SNX9: variants seen among roughly 807,000 people sequenced by gnomAD.
SNX9 encodes the protein sorting nexin-9.
SNX9 carries 44 observed loss-of-function variants against 89.4 expected under a neutral mutation model. The ratio of observed to expected loss-of-function variants is 0.49; its 90% CI spans 0.39 to 0.63. The LOEUF is 0.63. Among genes scored for constraint, SNX9 ranks in the 30% least tolerant of loss-of-function variants. The pLI is 0.00. For missense variants in SNX9, 578 were observed against 736.1 expected (o/e 0.79, Z 2.49); for synonymous variants, 236 against 247.8 (o/e 0.95, Z 0.45).
At chr6:157,863,460 C>G (rs1287720852) in intron 1 of SNX9, among the ~76,000 whole-genome samples, 1 of 152,146 alleles carries the variant, frequency 6.6e-6, no homozygotes, top group Non-Finnish European at 1.5e-5. Context: ...ATCTGTAATA[C>G]TTTTTGAAAG....
At chr6:157,880,790 T>C (rs1452938428) in intron 4 of SNX9, among the ~76,000 whole-genome samples, 1 of 152,226 alleles carries the variant, frequency 6.6e-6, no homozygotes, top group African/African-American at 2.4e-5. Flanking sequence ...GCAGTGAGTT[T>C]AGGAGCCAGA....
chr6:157,931,612 C>T (rs1190697807), intron 12 of SNX9, among the ~76,000 whole-genome samples: 39 of 152,294 alleles, frequency 2.6e-4, no homozygotes, highest in East Asian at 1.9e-4. Context: ...AACTCAGACC[C>T]CTCTTCCCTG....
At chr6:157,867,692 C>T (rs889806893) in intron 2 of SNX9, 59 bp downstream of exon 2, 35 of 1,316,960 alleles carry the variant, frequency 2.7e-5, no homozygotes, top group African/African-American at 1.5e-4. Flanking sequence ...TTAACAAATC[C>T]GGTAAGAGAA....
At chr6:157,874,803 T>C in intron 3 of SNX9, 1 of 333,942 alleles carries the variant, frequency 3.0e-6, no homozygotes, top group South Asian at 5.6e-5. Flanking sequence ...ACTTAGAGAT[T>C]GAACAATCCA....
rs143051512 is a variant in SNX9, at chr6:157,845,458, C to T, written c.12+22012C>T. On this transcript the variant is annotated intron_variant, in intron 1 of 17. Transcript: ENST00000392185. Reference sequence around the variant, plus strand: ...CACTTACACTTATTTTGACAGTAAACTTTTTAGCCATCTACTTACATTTCT... The same window carrying T: ...CACTTACACTTATTTTGACAGTAAATTTTTTAGCCATCTACTTACATTTCT... Among the ~76,000 whole-genome samples, 205 of 152,244 alleles carry T rather than the reference C, an allele frequency of 1.3e-3. No homozygotes were observed. In the Middle Eastern group the frequency reaches 0.014, roughly 10 times the overall value.
chr6:157,904,748 G>C (rs1410581857), intron 6 of SNX9, among the ~76,000 whole-genome samples: 1 of 152,074 alleles, frequency 6.6e-6, no homozygotes, highest in African/African-American at 2.4e-5. Flanking sequence ...AAATAAAAGT[G>C]TTGCAGGTTA....
At chr6:157,903,989 A>T (rs1432356481) in intron 6 of SNX9, among the ~76,000 whole-genome samples, 2 of 152,232 alleles carry the variant, frequency 1.3e-5, no homozygotes, top group African/African-American at 4.8e-5. Context: ...TAAATGAGTC[A>T]CTTAAACTTA....
At chr6:157,832,527 A>G (rs796509815) in intron 1 of SNX9, among the ~76,000 whole-genome samples, 3 of 152,338 alleles carry the variant, frequency 2.0e-5, no homozygotes, top group East Asian at 3.9e-4. Context: ...TCATGCTGCT[A>G]TGAAGAAATA....
At chr6:157,845,963 G>A (rs141458010) in intron 1 of SNX9, among the ~76,000 whole-genome samples, 153 of 152,326 alleles carry the variant, frequency 1.0e-3, no homozygotes, top group African/African-American at 2.6e-3. Flanking sequence ...AGGTGCTTTT[G>A]TAACACTTTC....
chr6:157,835,009 TTTTAAA>T (rs749145471), intron 1 of SNX9, among the ~76,000 whole-genome samples: 4 of 152,142 alleles, frequency 2.6e-5, no homozygotes, highest in Non-Finnish European at 4.4e-5. Context: ...AGTATAGACA[TTTTAAA>T]TTTAATTTTA....
In SNX9 at chr6:157,873,189, T is replaced by A; in HGVS notation, c.174+13T>A. 6.4e-7 allele frequency: 1 copy of A among 1,570,602 alleles called. No individual in the cohort carries two copies. Among genetic ancestry groups the A allele is most frequent in the Non-Finnish European group, 8.6e-7 (1 of 1,156,986 alleles). ...AGACTACGTTGAAGTAAGAGCTTCC[T>A]GTCATTCATTCATTAGAGCTCATCT... On this transcript the variant is annotated intron_variant, in intron 3 of 17. Transcript: ENST00000392185.
At chr6:157,829,506 C>T (rs2115103721) in intron 1 of SNX9, 1 of 152,296 alleles carries the variant, frequency 6.6e-6, no homozygotes, top group East Asian at 1.9e-4. Context: ...TCTATGTCCA[C>T]TAGACTTACT....
At chr6:157,846,829 T>G (rs1781814691) in intron 1 of SNX9, among the ~76,000 whole-genome samples, 1 of 152,118 alleles carries the variant, frequency 6.6e-6, no homozygotes, top group South Asian at 2.1e-4. Context: ...GGCGGATCAC[T>G]TGAGGCCAGG....
intron 1 of SNX9, among the ~76,000 whole-genome samples, chr6:157,844,615 A>G (rs1337746179): frequency 8.7e-6 from 1 of 114,922 alleles, no homozygotes; most frequent in East Asian, 2.6e-4. Context: ...TTTTTTTGAG[A>G]CAGAGTCTCA....
intron 4 of SNX9, among the ~76,000 whole-genome samples, chr6:157,887,456 T>G (rs1271986550): frequency 1.3e-5 from 2 of 152,288 alleles, no homozygotes; most frequent in Non-Finnish European, 2.9e-5. Flanking sequence ...TCCAGAGCTC[T>G]CTCTCTGCGT....
chr6:157,840,347 G>T (rs1781673494), intron 1 of SNX9, among the ~76,000 whole-genome samples: 1 of 152,142 alleles, frequency 6.6e-6, no homozygotes, highest in South Asian at 2.1e-4. Context: ...CATTTATTTG[G>T]CAATAAAACC....
intron 1 of SNX9, among the ~76,000 whole-genome samples, chr6:157,851,354 A>G (rs1003101158): frequency 1.2e-4 from 19 of 152,334 alleles, no homozygotes; most frequent in African/African-American, 4.3e-4. Context: ...GTAAAAATAC[A>G]TAACATAAAA....
chr6:157,914,898 A>G (rs1783430444), intron 9 of SNX9, among the ~76,000 whole-genome samples: 1 of 152,136 alleles, frequency 6.6e-6, no homozygotes, highest in East Asian at 1.9e-4. Flanking sequence ...GCAGTTCACA[A>G]CATTTTCTTC....
At chr6:157,922,025 C>T (rs533829148) in intron 10 of SNX9, among the ~76,000 whole-genome samples, 5 of 152,266 alleles carry the variant, frequency 3.3e-5, no homozygotes, top group South Asian at 2.1e-4. Flanking sequence ...CTGATTTTCC[C>T]GATCACGTTG....
Sources: allele counts gnomAD v4.1 joint callset (sites outside exome capture counted in the v4.1 genomes callset), GRCh38; gene constraint gnomAD v4.1.1; transcripts MANE v1.5; gene names NCBI Gene and HGNC (gene_info 2026-07-23, HGNC 2026-07-21).